The following MAGI1 variants were observed in gnomAD, a reference collection of about 807,000 sequenced individuals.
The protein encoded by MAGI1 is membrane-associated guanylate kinase, WW and PDZ domain-containing protein 1.
MAGI1 carries 58 observed loss-of-function variants against 139.9 expected under a neutral mutation model. That is an observed-to-expected ratio of 0.41 (90% CI 0.34 to 0.52). The LOEUF is 0.52. Ranked by LOEUF, MAGI1 falls within the 20% of genes least tolerant of loss-of-function variation. MAGI1 has a pLI of 0.12. For synonymous variants in MAGI1, 812 were observed against 737.9 expected (o/e 1.10, Z -1.63); for missense variants, 1,874 against 1,901.6 (o/e 0.99, Z 0.27).
chr3:65,822,459 C>T (rs1020692717), intron 1 of MAGI1, among the ~76,000 whole-genome samples: 1 of 152,032 alleles, frequency 6.6e-6, no homozygotes, highest in Non-Finnish European at 1.5e-5. Context: ...ACCCAGGAGG[C>T]GGAGGTCGCA....
intron 1 of MAGI1, among the ~76,000 whole-genome samples, chr3:65,739,952 A>G (rs1403962085): frequency 6.6e-6 from 1 of 151,848 alleles, no homozygotes; most frequent in Non-Finnish European, 1.5e-5. Flanking sequence ...GAAAAATGGC[A>G]CCAATAGACT....
chr3:65,560,389 C>T (rs1206492067), intron 2 of MAGI1, among the ~76,000 whole-genome samples: 4 of 152,136 alleles, frequency 2.6e-5, no homozygotes, highest in Non-Finnish European at 1.5e-5. Flanking sequence ...TGATGCATTG[C>T]ATTTCTGTGT....
intron 1 of MAGI1, among the ~76,000 whole-genome samples, chr3:65,633,830 G>A (rs972796272): frequency 6.6e-6 from 1 of 152,122 alleles, no homozygotes; most frequent in Non-Finnish European, 1.5e-5. Context: ...CTTATGGCAT[G>A]CCCTCGTAAA....
intron 1 of MAGI1, among the ~76,000 whole-genome samples, chr3:65,657,824 G>C (rs926206846): frequency 6.6e-6 from 1 of 152,104 alleles, no homozygotes; most frequent in Admixed American, 6.6e-5. Flanking sequence ...GAAAACTTTG[G>C]TTTAAATCTT....
chr3:65,441,901 G>C (rs1222906786), intron 8 of MAGI1, among the ~76,000 whole-genome samples: 4 of 151,816 alleles, frequency 2.6e-5, no homozygotes, highest in Non-Finnish European at 5.9e-5. Flanking sequence ...ATATCACCAG[G>C]GTATTATACA....
chr3:65,363,183 G>A (rs1380685501), intron 21 of MAGI1, among the ~76,000 whole-genome samples: 1 of 152,068 alleles, frequency 6.6e-6, no homozygotes. Flanking sequence ...CTATAGAAAT[G>A]GGCTCTGAAA....
intron 1 of MAGI1, among the ~76,000 whole-genome samples, chr3:65,962,781 T>C (rs145851167): frequency 0.01 from 1,371 of 134,338 alleles, 20 homozygotes; most frequent in African/African-American, 0.037. Flanking sequence ...GCAGAGATCA[T>C]GCCACTGTAT....
chr3:65,937,799 C>T (rs1168404210), intron 1 of MAGI1, among the ~76,000 whole-genome samples: 1 of 151,794 alleles, frequency 6.6e-6, no homozygotes, highest in Non-Finnish European at 1.5e-5. Flanking sequence ...GAAACTACAC[C>T]AAAATTAAGT....
At chr3:65,937,337 T>C (rs893196139) in intron 1 of MAGI1, among the ~76,000 whole-genome samples, 6 of 152,156 alleles carry the variant, frequency 3.9e-5, no homozygotes, top group Non-Finnish European at 8.8e-5. Context: ...TTTCCAACGC[T>C]TGCTAGCTTT....
intron 1 of MAGI1, among the ~76,000 whole-genome samples, chr3:65,633,242 G>A (rs1365020008): frequency 5.3e-5 from 8 of 152,074 alleles, no homozygotes; most frequent in Admixed American, 5.2e-4. Context: ...ACAATAACAG[G>A]CACACACCAC....
At chr3:65,823,464 T>C (rs1028581975) in intron 1 of MAGI1, among the ~76,000 whole-genome samples, 2 of 152,238 alleles carry the variant, frequency 1.3e-5, no homozygotes, top group African/African-American at 4.8e-5. Context: ...AGAGAACATT[T>C]CTTATTCATT....
In MAGI1 at chr3:65,430,097, G is replaced by A; in HGVS notation, c.1590C>T (p.His530=). 1 of 1,613,716 alleles carries A rather than the reference G, an allele frequency of 6.2e-7. No individual in the cohort carries two copies. Among genetic ancestry groups the A allele is most frequent in the Non-Finnish European group, 8.5e-7 (1 of 1,179,808 alleles). ...VSVNDTCVLG[H]THAQVVKIFQ... ...AGATCTTCACAACTTGAGCATGTGT[G>A]TGTCCCAAAACACAGGTGTCATTCA... The change falls in exon 12 of 23, where the codon CAC becomes CAT. Residue 530 remains histidine (H), a synonymous_variant. Coordinates refer to ENST00000402939, the MANE Select transcript of MAGI1 (RefSeq NM_001033057.2).
chr3:65,805,985 G>T (rs1043853244), intron 1 of MAGI1, among the ~76,000 whole-genome samples: 1 of 152,052 alleles, frequency 6.6e-6, no homozygotes, highest in Admixed American at 6.5e-5. Context: ...GCTAATAGAT[G>T]CAGGGCTTAA....
intron 1 of MAGI1, among the ~76,000 whole-genome samples, chr3:65,763,108 T>G (rs1329828454): frequency 6.6e-6 from 1 of 152,188 alleles, no homozygotes; most frequent in East Asian, 1.9e-4. Context: ...AAAGCAGTGA[T>G]AAAACCCCCA....
At chr3:65,544,614 C>G (rs114557358) in intron 2 of MAGI1, among the ~76,000 whole-genome samples, 1 of 152,090 alleles carries the variant, frequency 6.6e-6, no homozygotes, top group Non-Finnish European at 1.5e-5. Flanking sequence ...TCACTCATAC[C>G]AGCCAGAATG....
chr3:65,731,989 C>T (rs1431381292), intron 1 of MAGI1, among the ~76,000 whole-genome samples: 7 of 152,128 alleles, frequency 4.6e-5, no homozygotes, highest in Non-Finnish European at 8.8e-5. Flanking sequence ...ACTGAAATGT[C>T]GCAATTAAAC....
At chr3:65,681,567 T>G (rs886530540) in intron 1 of MAGI1, among the ~76,000 whole-genome samples, 24 of 152,350 alleles carry the variant, frequency 1.6e-4, no homozygotes, top group Non-Finnish European at 2.9e-4. Flanking sequence ...TAGAAACATT[T>G]TCCATAGAAG....
chr3:65,451,025 CAG>C (rs1949002945), intron 6 of MAGI1, among the ~76,000 whole-genome samples: 1 of 152,036 alleles, frequency 6.6e-6, no homozygotes, highest in African/African-American at 2.4e-5. Flanking sequence ...CTACTAGAAA[CAG>C]AATATATGAA....
chr3:65,946,187 C>T (rs1363411980), intron 1 of MAGI1, among the ~76,000 whole-genome samples: 1 of 152,150 alleles, frequency 6.6e-6, no homozygotes, highest in East Asian at 1.9e-4. Context: ...CATGCCCTCC[C>T]AGGGCACTAA....
Sources: gnomAD v4.1 joint callset for allele counts (sites outside exome capture counted in the v4.1 genomes callset) on GRCh38, gnomAD v4.1.1 for gene constraint, MANE v1.5 for transcripts, NCBI Gene and HGNC (gene_info 2026-07-23, HGNC 2026-07-21) for gene names.